The following TMTC4 variants were observed in gnomAD, a reference collection of about 807,000 sequenced individuals.
The protein encoded by TMTC4 is protein O-mannosyl-transferase TMTC4.
A neutral mutation model predicts 86.0 loss-of-function variants in TMTC4; 65 were observed. The ratio of observed to expected loss-of-function variants is 0.76; its 90% CI spans 0.62 to 0.93. The LOEUF is 0.93. TMTC4 is among the 40% of genes least tolerant of loss of function. The probability of loss-of-function intolerance (pLI) is 0.00; values close to 1 mark genes in which losing one functional copy is unlikely to be tolerated. For missense variants in TMTC4, 866 were observed against 948.1 expected (o/e 0.91, Z 1.14); for synonymous variants, 379 against 382.5 (o/e 0.99, Z 0.11).
At chr13:100,606,322 A>C (rs1876586103) in intron 18 of TMTC4, 36 bp downstream of exon 18, 1 of 1,595,104 alleles carries the variant, frequency 6.3e-7, no homozygotes, top group Non-Finnish European at 8.6e-7. Flanking sequence ...AAAGTAACAA[A>C]ATTTCAACAC....
chr13:100,615,640 A>G (rs1878362054), intron 15 of TMTC4, among the ~76,000 whole-genome samples: 1 of 151,684 alleles, frequency 6.6e-6, no homozygotes, highest in South Asian at 2.1e-4. Flanking sequence ...TTCAGTAGAG[A>G]TGGGGTTTCA....
intron 5 of TMTC4, among the ~76,000 whole-genome samples, chr13:100,662,248 G>A (rs1382041877): frequency 7.1e-6 from 1 of 140,654 alleles, no homozygotes; most frequent in Non-Finnish European, 1.6e-5. Context: ...TGATCAGGGT[G>A]AGGTGGAGGA....
chr13:100,613,754 T>TCCTTCCCTC (rs1456782932), intron 16 of TMTC4, among the ~76,000 whole-genome samples: 1 of 151,210 alleles, frequency 6.6e-6, no homozygotes, highest in Non-Finnish European at 1.5e-5. Flanking sequence ...AGAAATTCCT[T>TCCTTCCCTC]CCTTCCCTCC....
chr13:100,604,959 C>T lies in TMTC4; in HGVS notation c.*35G>A. 6.2e-7 allele frequency: 1 copy of T among 1,606,634 alleles called. No individual in the cohort carries two copies. The highest frequency in any genetic ancestry group is 8.5e-7 in the Non-Finnish European group (1 of 1,176,694). ...CTATTAATGATATGCCTCATGCACA[C>T]ACACACTCAAACTCAAAACATGAAG... On this transcript the variant is annotated 3_prime_UTR_variant, in exon 19 of 19. Transcript: ENST00000342624.
chr13:100,650,203 A>T (rs531186468), intron 6 of TMTC4, among the ~76,000 whole-genome samples: 1 of 152,364 alleles, frequency 6.6e-6, no homozygotes, highest in East Asian at 1.9e-4. Context: ...TCCAGAATTG[A>T]CCAGAGACAT....
intron 15 of TMTC4, among the ~76,000 whole-genome samples, chr13:100,617,859 T>C (rs1566568363): frequency 6.6e-6 from 1 of 152,238 alleles, no homozygotes; most frequent in Non-Finnish European, 1.5e-5. Context: ...TAGCTTTTTC[T>C]AATTCTGTGA....
chr13:100,669,747 T>C (rs1219272990), intron 2 of TMTC4, among the ~76,000 whole-genome samples: 1 of 152,014 alleles, frequency 6.6e-6, no homozygotes. Flanking sequence ...CCAAAACAAA[T>C]CTCAACCTAC....
chr13:100,646,379 A>T lies in TMTC4; in HGVS notation c.641-4068T>A, dbSNP rs182272425. Among the ~76,000 whole-genome samples, 1,241 of 152,272 alleles carry T rather than the reference A, an allele frequency of 8.1e-3. 9 individuals carry two copies. The highest frequency in any genetic ancestry group is 0.018 in the South Asian group (85 of 4,828). The stretch of plus-strand genomic sequence containing the variant: ...TGCAATAAGCTTTGTGCTCCCGACA[A>T]ATCATGGAACCGCAGGTGTCAACAC... On this transcript the variant is annotated intron_variant, in intron 6 of 18. Transcript: ENST00000342624.
chr13:100,665,986 C>T (rs1886349270), intron 3 of TMTC4: 2 of 456,312 alleles, frequency 4.4e-6, no homozygotes, highest in Admixed American at 2.4e-5. Context: ...TACACTCTTA[C>T]AGAAGTACCC....
chr13:100,674,781 G>A lies in TMTC4; in HGVS notation c.-245C>T. 8 of 983,856 alleles carry A rather than the reference G, an allele frequency of 8.1e-6. No individual in the cohort carries two copies. Among genetic ancestry groups the A allele is most frequent in the Non-Finnish European group, 8.4e-6 (7 of 829,348 alleles). The allele number at this position is 983,856 out of a possible 1,614,324, so 60.9% of individuals were successfully genotyped here. A position where few individuals can be genotyped will look rare whatever the true frequency, so the allele number is the denominator to read the frequency against. ...TGAGCCCCGGCCGCATCTCCCTCCC[G>A]GGTGCGGAAACTCTGGCGGCTCCAG... On this transcript the variant is annotated 5_prime_UTR_variant, in exon 1 of 19. Coordinates refer to ENST00000342624, the MANE Select transcript of TMTC4 (RefSeq NM_032813.5).
intron 15 of TMTC4, among the ~76,000 whole-genome samples, chr13:100,619,102 G>A (rs535995513): frequency 0.011 from 1,611 of 148,346 alleles, 27 homozygotes; most frequent in African/African-American, 0.037. Flanking sequence ...CGGACGGGGC[G>A]GCTGGCCGGA....
Position 100,612,537 on chromosome 13 carries a change from A to G in TMTC4, c.1952-27T>C, listed in dbSNP as rs559757438. 15 of 1,558,808 alleles carry G rather than the reference A, an allele frequency of 9.6e-6. No individual in the cohort carries two copies. In the South Asian group the frequency reaches 1.6e-4, roughly 16 times the overall value. ...TGGGAGTGAAAAATGGAAAAATAAA[A>G]GACATGTTAATGTTGTACTCGCATT... On this transcript the variant is annotated intron_variant, in intron 16 of 18. Transcript: ENST00000342624.
intron 15 of TMTC4, among the ~76,000 whole-genome samples, chr13:100,621,017 G>A (rs1246561641): frequency 6.6e-6 from 1 of 152,224 alleles, no homozygotes; most frequent in African/African-American, 2.4e-5. Context: ...GGAACAGTTG[G>A]CGGAATGGAA....
At position 100,642,327 on chromosome 13, in the gene TMTC4, A is replaced by C. The variant is rs373450722; in HGVS notation, c.641-16T>G. On this transcript the variant is annotated splice_polypyrimidine_tract_variant and intron_variant, in intron 6 of 18. Transcript: ENST00000342624. ...TCCTTGTTACCTGCCAATTAAGAGA[A>C]ATGATCAGTGCAAAAGTCATGGAAT... 1 of 1,614,092 alleles carries C rather than the reference A, an allele frequency of 6.2e-7. No homozygotes were observed. Among genetic ancestry groups the C allele is most frequent in the South Asian group, 1.1e-5 (1 of 91,074 alleles).
chr13:100,647,357 C>T (rs1459181323), intron 6 of TMTC4, among the ~76,000 whole-genome samples: 1 of 152,208 alleles, frequency 6.6e-6, no homozygotes, highest in African/African-American at 2.4e-5. Flanking sequence ...CCATTGTTTT[C>T]AAGTTGACCA....
rs758894269 is a variant in TMTC4, at chr13:100,635,020, A to G, written c.1374+4T>C. On this transcript the variant is annotated splice_donor_region_variant and intron_variant, in intron 11 of 18. Transcript: ENST00000342624. ...CATCAGCTGGCACCACTCTCAGTTG[A>G]TACCTTTTTCTTGGTATGTTTGCTC... The G allele has an allele frequency of 1.1e-5, 17 of 1,611,140 alleles. 1 individual carries two copies. In the South Asian group the frequency reaches 1.8e-4, roughly 17 times the overall value.
At chr13:100,626,368 A>G (rs1246576897) in intron 12 of TMTC4, among the ~76,000 whole-genome samples, 1 of 152,268 alleles carries the variant, frequency 6.6e-6, no homozygotes, top group Non-Finnish European at 1.5e-5. Context: ...GGCATGATAC[A>G]TCTCTAAAGC....
intron 1 of TMTC4, chr13:100,674,477 G>T (rs1181972632): frequency 2.2e-5 from 20 of 916,658 alleles, no homozygotes; most frequent in South Asian, 5.0e-5. Context: ...GAAGCTCAGG[G>T]GCCCGAGCGC....
intron 15 of TMTC4, 44 bp downstream of exon 15, chr13:100,625,491 T>A (rs765948344): frequency 1.2e-6 from 2 of 1,607,892 alleles, no homozygotes; most frequent in African/African-American, 2.7e-5. Context: ...ATAAGAAAAA[T>A]AACCCATCTT....
Sources: allele counts gnomAD v4.1 joint callset (sites outside exome capture counted in the v4.1 genomes callset), GRCh38; gene constraint gnomAD v4.1.1; transcripts MANE v1.5; gene names NCBI Gene and HGNC (gene_info 2026-07-23, HGNC 2026-07-21).